The following NFKB1 variants were observed in gnomAD, a reference collection of about 807,000 sequenced individuals.
NFKB1 encodes nuclear factor NF-kappa-B p105 subunit.
A neutral mutation model predicts 105.1 loss-of-function variants in NFKB1; 9 were observed. The ratio of observed to expected loss-of-function variants is 0.09; its 90% CI spans 0.05 to 0.15. The LOEUF is 0.15. NFKB1 is among the 10% of genes least tolerant of loss of function. NFKB1 has a pLI of 1.00. For synonymous variants in NFKB1, 440 were observed against 442.2 expected (o/e 1.00, Z 0.06); for missense variants, 830 against 1,203.7 (o/e 0.69, Z 4.59).
intron 10 of NFKB1, among the ~76,000 whole-genome samples, 175 bp from the exon 11 acceptor site, chr4:102,584,507 A>G (rs915113606): frequency 1.6e-4 from 24 of 152,336 alleles, no homozygotes; most frequent in Non-Finnish European, 3.1e-4. Flanking sequence ...ATAAAAATGT[A>G]TCGGTATAGA....
At chr4:102,533,554 A>G (rs1270511318) in intron 3 of NFKB1, among the ~76,000 whole-genome samples, 2 of 152,220 alleles carry the variant, frequency 1.3e-5, no homozygotes, top group East Asian at 1.9e-4. Flanking sequence ...GTTGACATCA[A>G]TTCTTGCCGG....
chr4:102,532,637 TA>T (rs1197804040), intron 3 of NFKB1, among the ~76,000 whole-genome samples: 2 of 151,780 alleles, frequency 1.3e-5, no homozygotes, highest in African/African-American at 2.4e-5. Context: ...CAAAAAAAAA[TA>T]AAAAAAATTT....
intron 17 of NFKB1, 44 bp from the exon 18 acceptor site, chr4:102,607,106 G>A (rs1452676537): frequency 1.2e-6 from 2 of 1,605,748 alleles, no homozygotes; most frequent in Non-Finnish European, 1.7e-6. Flanking sequence ...CATCTTGTGA[G>A]TTAGCCATCC....
chr4:102,502,845 T>C (rs550664336), intron 1 of NFKB1, among the ~76,000 whole-genome samples: 1 of 152,350 alleles, frequency 6.6e-6, no homozygotes, highest in African/African-American at 2.4e-5. Flanking sequence ...AAAATGCTTA[T>C]GGTATTACTA....
chr4:102,590,800 C>T (rs1726107075), intron 11 of NFKB1, among the ~76,000 whole-genome samples: 1 of 152,154 alleles, frequency 6.6e-6, no homozygotes, highest in Admixed American at 6.5e-5. Context: ...AAAGTCACAC[C>T]TCTCACTTGA....
intron 9 of NFKB1, among the ~76,000 whole-genome samples, chr4:102,582,100 G>A (rs543175913): frequency 4.6e-5 from 7 of 152,256 alleles, no homozygotes; most frequent in Admixed American, 3.3e-4. Flanking sequence ...TGAACATGGA[G>A]TATTTATAAA....
rs17032850 is a variant in NFKB1, at chr4:102,586,546, G to C, written c.1066+1726G>C. Among the ~76,000 whole-genome samples, 51,542 of 151,952 alleles carry C rather than the reference G, an allele frequency of 0.34. 9,165 individuals carry two copies. The highest frequency in any genetic ancestry group is 0.44 in the Admixed American group (6,773 of 15,264). On this transcript the variant is annotated intron_variant, in intron 11 of 23. Coordinates refer to ENST00000226574, the MANE Select transcript of NFKB1 (RefSeq NM_003998.4). Reference sequence around the variant, plus strand: ...GCACCAACTGAGTCATCATTCAAAGGTATTTCTTAACCTAGAGTCCACTGA... The same window carrying C: ...GCACCAACTGAGTCATCATTCAAAGCTATTTCTTAACCTAGAGTCCACTGA...
intron 12 of NFKB1, among the ~76,000 whole-genome samples, chr4:102,593,985 T>C (rs1286054652): frequency 1.3e-5 from 2 of 152,146 alleles, no homozygotes; most frequent in Non-Finnish European, 2.9e-5. Flanking sequence ...AAATCTGCCA[T>C]CAAAGGTTAA....
intron 5 of NFKB1, among the ~76,000 whole-genome samples, chr4:102,558,942 G>A (rs1415731852): frequency 1.3e-5 from 2 of 152,196 alleles, no homozygotes; most frequent in African/African-American, 4.8e-5. Context: ...AAGGGATTAG[G>A]GGGTCAAAGT....
At chr4:102,518,580 T>A (rs1267666328) in intron 1 of NFKB1, among the ~76,000 whole-genome samples, 2 of 152,202 alleles carry the variant, frequency 1.3e-5, no homozygotes, top group Admixed American at 6.5e-5. Context: ...AGTTTGCTTT[T>A]GTTGCATTAA....
intron 13 of NFKB1, among the ~76,000 whole-genome samples, chr4:102,595,861 A>G (rs946525888): frequency 1.4e-4 from 21 of 152,258 alleles, no homozygotes; most frequent in Non-Finnish European, 2.9e-4. Context: ...TGCAATTCAT[A>G]GAAGAGCTTT....
At position 102,600,924 on chromosome 4, in the gene NFKB1, A is replaced by G. The variant is rs1243895642; in HGVS notation, c.1667A>G (p.His556Arg). Reference protein sequence around the residue: ...SVLHLAIIHLHSQLVRDLLEV... With the variant: ...SVLHLAIIHLRSQLVRDLLEV... ...TTACACTTAGCAATCATCCACCTTC[A>G]TTCTCAACTTGTGAGGGATCTACTA... Residue 556 changes from histidine (H) to arginine (R), a missense_variant, in exon 16 of 24, where the codon CAT becomes CGT. This residue lies in a region of NFKB1 where 418 missense variants were observed against 575.3 expected (regional missense o/e 0.73). Coordinates refer to ENST00000226574, the MANE Select transcript of NFKB1 (RefSeq NM_003998.4). 1 of 1,609,960 alleles carries G rather than the reference A, an allele frequency of 6.2e-7. No individual in the cohort carries two copies. The highest frequency in any genetic ancestry group is 1.3e-5 in the African/African-American group (1 of 74,794).
intron 5 of NFKB1, among the ~76,000 whole-genome samples, chr4:102,560,834 A>T (rs1723364823): frequency 6.6e-6 from 1 of 152,200 alleles, no homozygotes; most frequent in South Asian, 2.1e-4. Flanking sequence ...CTTTACAAAT[A>T]ATAGAGAAGG....
At chr4:102,571,171 A>G (rs1269395620) in intron 6 of NFKB1, among the ~76,000 whole-genome samples, 5 of 152,250 alleles carry the variant, frequency 3.3e-5, no homozygotes, top group Non-Finnish European at 5.9e-5. Context: ...GCCCTCAGAA[A>G]TAATACCGTA....
chr4:102,502,394 A>G (rs560628803), intron 1 of NFKB1, among the ~76,000 whole-genome samples: 7,746 of 69,214 alleles, frequency 0.11, 333 homozygotes, highest in Non-Finnish European at 0.14. Flanking sequence ...GCGCGCGCAC[A>G]CACACACACA....
At chr4:102,609,611 CAA>C (rs34646774) in intron 19 of NFKB1, among the ~76,000 whole-genome samples, 267 of 64,212 alleles carry the variant, frequency 4.2e-3, no homozygotes, top group South Asian at 0.018. Context: ...GACTCCATCT[CAA>C]AAAAAAAAAA....
At chr4:102,600,089 ATGTGT>A (rs1727008385) in intron 15 of NFKB1, among the ~76,000 whole-genome samples, 1 of 152,194 alleles carries the variant, frequency 6.6e-6, no homozygotes, top group African/African-American at 2.4e-5. Flanking sequence ...AACGAGAAAA[ATGTGT>A]AGAAAACTGC....
chr4:102,556,394 C>T (rs931546003), intron 5 of NFKB1, among the ~76,000 whole-genome samples: 1 of 152,018 alleles, frequency 6.6e-6, no homozygotes, highest in Non-Finnish European at 1.5e-5. Context: ...GGAGTGATCA[C>T]GATAAAGGTG....
intron 6 of NFKB1, 77 bp from the exon 7 acceptor site, chr4:102,576,799 G>A (rs1306205999): frequency 2.1e-6 from 3 of 1,449,764 alleles, no homozygotes; most frequent in African/African-American, 1.4e-5. Flanking sequence ...TAATTTACAA[G>A]TGAAGCCAGA....
Sources: allele counts gnomAD v4.1 joint callset (sites outside exome capture counted in the v4.1 genomes callset), GRCh38; gene constraint gnomAD v4.1.1; regional missense constraint gnomAD v4.1.1; transcripts MANE v1.5; gene names NCBI Gene and HGNC (gene_info 2026-07-23, HGNC 2026-07-21).